Variants in PPP2R3B observed in about 807,000 individuals in gnomAD.
The protein encoded by PPP2R3B is serine/threonine-protein phosphatase 2A regulatory subunit B'' subunit beta.
A neutral mutation model predicts 72.9 loss-of-function variants in PPP2R3B; 68 were observed. That is an observed-to-expected ratio of 0.93 (90% confidence interval 0.77 to 1.14). The LOEUF (loss-of-function observed/expected upper bound fraction) is 1.14. Ranked by LOEUF, PPP2R3B falls within the 50% of genes most tolerant of loss-of-function variation. The pLI is 0.00. For missense variants in PPP2R3B, 1,018 were observed against 842.0 expected, an observed-to-expected ratio of 1.21 and a Z score of -2.59; for synonymous variants, 466 against 375.8, an observed-to-expected ratio of 1.24 and a Z score of -2.78.
chrX:334,552 G>C lies in PPP2R3B; in HGVS notation c.1578-35C>G, dbSNP rs367899536. ...GGGGATGGCGAAGACGTGGCCAGCAGCGCGGAGCAGGCCCTGGGCCGTTTT... is the reference window on the plus strand; with the variant it reads ...GGGGATGGCGAAGACGTGGCCAGCACCGCGGAGCAGGCCCTGGGCCGTTTT... On this transcript the variant is annotated intron_variant, in intron 12 of 12. Coordinates refer to ENST00000390665, the MANE Select transcript of PPP2R3B (RefSeq NM_013239.5). The C allele has an allele frequency of 2.7e-6, 4 of 1,472,746 alleles. No individual in the cohort carries two copies. In the African/African-American group the frequency reaches 5.8e-5, roughly 21 times the overall value. 91.2% of individuals were successfully genotyped at this position (1,472,746 alleles called of 1,614,324 possible). A position where few individuals can be genotyped will look rare whatever the true frequency, so the allele number is the denominator to read the frequency against.
intron 1 of PPP2R3B, among the ~76,000 whole-genome samples, chrX:372,242 G>A (rs1450456573): frequency 6.6e-6 from 1 of 152,232 alleles, no homozygotes; most frequent in African/African-American, 2.4e-5. Flanking sequence ...CAGGCAAAAT[G>A]TCAAAACCTG....
chrX:338,079 G>A lies in PPP2R3B; in HGVS notation c.1577+525C>T, dbSNP rs978974684. 16 of 170,138 alleles carry A rather than the reference G, an allele frequency of 9.4e-5. No homozygotes were observed. In the East Asian group the frequency reaches 2.5e-3, roughly 27 times the overall value. The allele number at this position is 170,138 out of a possible 1,614,324, so 10.5% of individuals were successfully genotyped here. ...CATCTCTGAGACACCACGTGAAGAG[G>A]GGGTGAAAACATACGTCACAAACTG... On this transcript the variant is annotated intron_variant, in intron 12 of 12. Transcript: ENST00000390665.
chrX:335,911 A>G (rs568268841), intron 12 of PPP2R3B: 1,562 of 152,224 alleles, frequency 0.01, 9 homozygotes, highest in Non-Finnish European at 0.016. Flanking sequence ...CACACCTGTA[A>G]TTCCGGCACG....
chrX:350,158 G>A (rs1166513634), intron 2 of PPP2R3B, among the ~76,000 whole-genome samples: 9 of 152,310 alleles, frequency 5.9e-5, no homozygotes, highest in East Asian at 1.9e-4. Context: ...GGCACCGGTG[G>A]CCTAAGAGAG....
intron 9 of PPP2R3B, 97 bp from the exon 10 acceptor site, chrX:341,037 C>T: frequency 6.7e-6 from 10 of 1,501,954 alleles, no homozygotes; most frequent in Non-Finnish European, 8.9e-6. Flanking sequence ...GCACGCGTCC[C>T]CGCTGTGCCT....
At chrX:355,424 C>G (rs1164593972) in intron 2 of PPP2R3B, among the ~76,000 whole-genome samples, 2 of 152,196 alleles carry the variant, frequency 1.3e-5, no homozygotes, top group Non-Finnish European at 2.9e-5. Context: ...CCAAGTTCAT[C>G]TGGAGTCAAC....
At chrX:362,824 G>T (rs771504737) in intron 1 of PPP2R3B, among the ~76,000 whole-genome samples, 4 of 152,030 alleles carry the variant, frequency 2.6e-5, no homozygotes, top group African/African-American at 7.2e-5. Flanking sequence ...AGGTCACAAG[G>T]GTCCCACAGA....
intron 12 of PPP2R3B, chrX:334,912 G>A (rs1472398026): frequency 2.2e-5 from 4 of 185,250 alleles, no homozygotes; most frequent in Non-Finnish European, 3.3e-5. Flanking sequence ...AAGCACAGAA[G>A]CTCCCAGTGG....
At chrX:354,074 G>C (rs1399781492) in intron 2 of PPP2R3B, among the ~76,000 whole-genome samples, 27 of 127,728 alleles carry the variant, frequency 2.1e-4, no homozygotes, top group African/African-American at 8.2e-4. Flanking sequence ...CTCGCCCAAA[G>C]ACCGGGGCTC....
intron 10 of PPP2R3B, among the ~76,000 whole-genome samples, chrX:340,185 T>G (rs1469936285): frequency 3.0e-3 from 2 of 664 alleles, no homozygotes; most frequent in Non-Finnish European, 5.3e-3. Flanking sequence ...GGGGGCGGGG[T>G]GAGAGGGGAG....
At chrX:368,597 C>T (rs190314425) in intron 1 of PPP2R3B, among the ~76,000 whole-genome samples, 6 of 38,152 alleles carry the variant, frequency 1.6e-4, no homozygotes, top group Non-Finnish European at 2.0e-4. Context: ...GGGCACCGAC[C>T]GGGGGAAGGC....
rs144810281 is a variant in PPP2R3B, at chrX:334,406, G to A, written c.1689C>T (p.Tyr563=). The A allele has an allele frequency of 3.6e-4, 577 of 1,586,808 alleles. 3 individuals carry two copies. Among genetic ancestry groups the A allele is most frequent in the East Asian group, 1.9e-3 (85 of 43,864 alleles). ...APSPLGAVDL[Y]EYACGDEDLE... ...GGTCCTCGTCCCCGCATGCGTACTC[G>A]TACAGGTCCACGGCGCCCAGCGGTG... The change falls in exon 13 of 13, where the codon TAC becomes TAT. Residue 563 remains tyrosine, a synonymous_variant. Coordinates refer to ENST00000390665, the MANE Select transcript of PPP2R3B (RefSeq NM_013239.5).
At chrX:374,826 C>G (rs1024929630) in intron 1 of PPP2R3B, among the ~76,000 whole-genome samples, 1 of 152,178 alleles carries the variant, frequency 6.6e-6, no homozygotes, top group African/African-American at 2.4e-5. Context: ...TGGAAAAACG[C>G]AGGATGACAC....
Position 350,663 on chromosome X carries a change from A to G in PPP2R3B, c.511-2970T>C, listed in dbSNP as rs2071311326. Among the ~76,000 whole-genome samples the G allele has an allele frequency of 2.0e-5, 3 of 152,342 alleles. No individual in the cohort carries two copies. In the South Asian group the frequency reaches 6.2e-4, roughly 32 times the overall value. On this transcript the variant is annotated intron_variant, in intron 2 of 12. Coordinates refer to ENST00000390665, the MANE Select transcript of PPP2R3B (RefSeq NM_013239.5). ...GGCATGGAGAGGTGGCAACAAGAACATGACACGCGCGGCTGAGACAAAAAG... is the reference window on the plus strand; with the variant it reads ...GGCATGGAGAGGTGGCAACAAGAACGTGACACGCGCGGCTGAGACAAAAAG...
intron 2 of PPP2R3B, among the ~76,000 whole-genome samples, chrX:360,971 G>A (rs368409363): frequency 2.0e-4 from 30 of 147,918 alleles, no homozygotes; most frequent in African/African-American, 6.8e-4. Context: ...CTGCTGCCAG[G>A]AGACGGGTCC....
intron 7 of PPP2R3B, chrX:345,242 C>G (rs1196443710): frequency 1.5e-6 from 1 of 672,962 alleles, no homozygotes; most frequent in Non-Finnish European, 2.7e-6. Flanking sequence ...TGCTGGCCCT[C>G]GGGCCAGGAG....
rs780367505 is a variant in PPP2R3B, at chrX:341,887, T to C, written c.1081A>G (p.Thr361Ala). ...AGGCGCCTGAGCCGTACGTACCGTG[T>C]GACTGCTCCTGAGAAGATCCTGTCT... ...MIDRIFSGAVTRGRKVQKEGK... is the reference protein window; with the variant it reads ...MIDRIFSGAVARGRKVQKEGK... Residue 361 changes from threonine to alanine, a missense_variant, in exon 8 of 13, where the codon ACA becomes GCA. Coordinates refer to ENST00000390665, the MANE Select transcript of PPP2R3B (RefSeq NM_013239.5). 5.6e-6 allele frequency: 9 copies of C among 1,612,684 alleles called. No individual in the cohort carries two copies. In the South Asian group the frequency reaches 6.6e-5, roughly 12 times the overall value.
intron 1 of PPP2R3B, chrX:373,802 G>T (rs1383753539): frequency 6.6e-6 from 1 of 151,244 alleles, no homozygotes; most frequent in African/African-American, 2.4e-5. Context: ...TGGGGCCGGG[G>T]CCCGCGCCGC....
intron 12 of PPP2R3B, chrX:338,326 G>A (rs1226895226): frequency 2.8e-5 from 16 of 578,892 alleles, no homozygotes; most frequent in Non-Finnish European, 3.7e-5. Flanking sequence ...CGGCCTCCCC[G>A]TGCTGGGCCT....
Sources: allele counts gnomAD v4.1 joint callset (sites outside exome capture counted in the v4.1 genomes callset), GRCh38; gene constraint gnomAD v4.1.1; transcripts MANE v1.5; gene names NCBI Gene and HGNC (gene_info 2026-07-23, HGNC 2026-07-21).